Variants in ZNF804B observed in about 807,000 individuals in gnomAD.
The protein encoded by ZNF804B is zinc finger 804B.
Under a neutral mutation model 101.4 loss-of-function variants are expected in ZNF804B, and 80 were observed. The ratio of observed to expected loss-of-function variants is 0.79; its 90% CI spans 0.66 to 0.95. ZNF804B has a LOEUF of 0.95. ZNF804B is among the 40% of genes least tolerant of loss of function. ZNF804B has a pLI of 0.00. For missense variants in ZNF804B, 1,673 were observed against 1,561.9 expected (o/e 1.07, Z -1.20); for synonymous variants, 622 against 558.8 (o/e 1.11, Z -1.59).
intron 1 of ZNF804B, among the ~76,000 whole-genome samples, chr7:88,804,095 G>T (rs1790649004): frequency 6.6e-6 from 1 of 152,056 alleles, no homozygotes; most frequent in South Asian, 2.1e-4. Flanking sequence ...TGGCAATTAC[G>T]TTTACTAGGG....
At position 88,911,515 on chromosome 7, in the gene ZNF804B, A is replaced by G. The variant is rs572976592; in HGVS notation, c.108+151431A>G. ...TACCAACATTATTTTTATATAATTT[A>G]TATATTTCTTAAACTTCTTTTCACC... On this transcript the variant is annotated intron_variant, in intron 1 of 3. Transcript: ENST00000333190. Among the ~76,000 whole-genome samples the G allele has an allele frequency of 1.5e-3, 225 of 149,800 alleles. 1 individual carries two copies. The highest frequency in any genetic ancestry group is 9.6e-3 in the South Asian group (46 of 4,786).
intron 1 of ZNF804B, among the ~76,000 whole-genome samples, chr7:88,888,383 G>A (rs1015799896): frequency 2.6e-5 from 4 of 151,964 alleles, no homozygotes; most frequent in South Asian, 4.2e-4. Flanking sequence ...CAGAGGGAGA[G>A]TCTGCCTCAA....
At chr7:89,170,737 ATTG>A (rs1289457076) in intron 1 of ZNF804B, among the ~76,000 whole-genome samples, 2 of 152,150 alleles carry the variant, frequency 1.3e-5, no homozygotes, top group Admixed American at 6.6e-5. Context: ...TCCCCATTAT[ATTG>A]TTTGAAGCAA....
At chr7:89,071,630 T>G (rs942720874) in intron 1 of ZNF804B, among the ~76,000 whole-genome samples, 1 of 152,164 alleles carries the variant, frequency 6.6e-6, no homozygotes, top group Non-Finnish European at 1.5e-5. Context: ...ATTACAATGT[T>G]CTTGTTCTCA....
intron 1 of ZNF804B, among the ~76,000 whole-genome samples, chr7:89,012,020 C>T (rs1049176078): frequency 3.9e-5 from 6 of 152,138 alleles, no homozygotes; most frequent in Non-Finnish European, 7.4e-5. Flanking sequence ...CAAGCATTTC[C>T]GTACATCCTC....
At chr7:89,214,179 G>T (rs775035686) in intron 1 of ZNF804B, among the ~76,000 whole-genome samples, 1 of 152,092 alleles carries the variant, frequency 6.6e-6, no homozygotes, top group African/African-American at 2.4e-5. Flanking sequence ...TTTTAAAAAT[G>T]ACTCTTGTTA....
At chr7:89,163,275 C>T (rs939791306) in intron 1 of ZNF804B, among the ~76,000 whole-genome samples, 1 of 151,858 alleles carries the variant, frequency 6.6e-6, no homozygotes, top group African/African-American at 2.4e-5. Context: ...ATGCCAACCA[C>T]CAAAATAAGA....
chr7:89,267,083 T>C (rs1679586687), intron 2 of ZNF804B, among the ~76,000 whole-genome samples: 2 of 152,186 alleles, frequency 1.3e-5, no homozygotes, highest in Non-Finnish European at 2.9e-5. Flanking sequence ...TATTTTATCA[T>C]TCTGCAGACC....
chr7:88,919,998 G>T, intron 1 of ZNF804B, among the ~76,000 whole-genome samples: 1 of 152,040 alleles, frequency 6.6e-6, no homozygotes, highest in Non-Finnish European at 1.5e-5. Context: ...AGGGAGGCTT[G>T]ACAGATGTAC....
At chr7:89,215,615 G>C (rs180945922) in intron 1 of ZNF804B, among the ~76,000 whole-genome samples, 1,988 of 151,880 alleles carry the variant, frequency 0.013, 16 homozygotes, top group Non-Finnish European at 0.02. Flanking sequence ...CGGGGGCGGT[G>C]GCTCGCGCCT....
intron 1 of ZNF804B, among the ~76,000 whole-genome samples, chr7:89,164,348 C>G (rs1429959713): frequency 6.6e-6 from 1 of 152,050 alleles, no homozygotes; most frequent in Non-Finnish European, 1.5e-5. Context: ...TCACAAGTGC[C>G]TTGTTTCTTT....
intron 1 of ZNF804B, among the ~76,000 whole-genome samples, chr7:89,014,562 C>T (rs572107865): frequency 1.3e-3 from 201 of 152,302 alleles, no homozygotes; most frequent in African/African-American, 4.7e-3. Flanking sequence ...GTGATCCACC[C>T]GCCTTGGCCT....
At chr7:89,041,900 G>A (rs927119837) in intron 1 of ZNF804B, among the ~76,000 whole-genome samples, 5 of 152,142 alleles carry the variant, frequency 3.3e-5, no homozygotes, top group Admixed American at 2.0e-4. Flanking sequence ...TAATGTTTCT[G>A]TAAGGGAATC....
In ZNF804B at chr7:89,019,117, A is replaced by T. The variant is rs563011586; in HGVS notation, c.109-199038A>T. ...TTCTACTTTATTGATGCAGGCATTTATTGCTATAAACTTGCCTCTTACTAC... is the reference window on the plus strand; with the variant it reads ...TTCTACTTTATTGATGCAGGCATTTTTTGCTATAAACTTGCCTCTTACTAC... On this transcript the variant is annotated intron_variant, in intron 1 of 3. Coordinates refer to ENST00000333190, the MANE Select transcript of ZNF804B (RefSeq NM_181646.5). Among the ~76,000 whole-genome samples, 3 of 152,092 alleles carry T rather than the reference A, an allele frequency of 2.0e-5. No individual in the cohort carries two copies. The South Asian group carries it at 6.2e-4, about 32-fold the overall frequency.
Position 88,760,096 on chromosome 7 carries a change from G to C in ZNF804B, c.108+12G>C, listed in dbSNP as rs745666680. The stretch of plus-strand genomic sequence containing the variant: ...GATCTCCCTCTCCGGTAATGTGCGC[G>C]CGCACACACATACATACACAAACGT... On this transcript the variant is annotated intron_variant, in intron 1 of 3. Transcript: ENST00000333190. 1.9e-6 allele frequency: 3 copies of C among 1,605,022 alleles called. No individual in the cohort carries two copies. The highest frequency in any genetic ancestry group is 2.6e-6 in the Non-Finnish European group (3 of 1,171,708).
intron 2 of ZNF804B, among the ~76,000 whole-genome samples, chr7:89,253,802 A>G (rs374676768): frequency 6.6e-6 from 1 of 152,156 alleles, no homozygotes; most frequent in East Asian, 1.9e-4. Context: ...CAATCCATCA[A>G]TTTAAAAAAT....
chr7:88,975,330 T>C (rs1044054164), intron 1 of ZNF804B, among the ~76,000 whole-genome samples: 2 of 151,400 alleles, frequency 1.3e-5, no homozygotes, highest in Admixed American at 1.3e-4. Context: ...ACCATTCTAT[T>C]TTTAGTCTTT....
At chr7:89,214,390 A>G (rs1584059105) in intron 1 of ZNF804B, among the ~76,000 whole-genome samples, 1 of 152,134 alleles carries the variant, frequency 6.6e-6, no homozygotes, top group South Asian at 2.1e-4. Flanking sequence ...TATATATCAA[A>G]TCTTGTATCT....
At chr7:88,998,546 A>G (rs1389405114) in intron 1 of ZNF804B, among the ~76,000 whole-genome samples, 3 of 152,082 alleles carry the variant, frequency 2.0e-5, no homozygotes, top group Non-Finnish European at 4.4e-5. Context: ...CATAAGAAGT[A>G]TCTTACCAAC....
Sources: gnomAD v4.1 joint callset for allele counts (sites outside exome capture counted in the v4.1 genomes callset) on GRCh38, gnomAD v4.1.1 for gene constraint, MANE v1.5 for transcripts, NCBI Gene and HGNC (gene_info 2026-07-23, HGNC 2026-07-21) for gene names.